ADAMTS9: variants seen among roughly 807,000 people sequenced by gnomAD.
ADAMTS9 encodes the protein A disintegrin and metalloproteinase with thrombospondin motifs 9.
In ADAMTS9, 107 loss-of-function variants were observed where a neutral mutation model predicts 257.1. That is an observed-to-expected ratio of 0.42 (90% CI 0.36 to 0.49). The LOEUF (loss-of-function observed/expected upper bound fraction) is 0.49, where lower values mean the gene tolerates loss of function less well. Among genes scored for constraint, ADAMTS9 ranks in the 20% least tolerant of loss-of-function variants. ADAMTS9 has a pLI of 0.03. For synonymous variants in ADAMTS9, 982 were observed against 880.9 expected (o/e 1.11, Z -2.03); for missense variants, 2,353 against 2,469.1 (o/e 0.95, Z 1.00).
At chr3:64,546,635 T>C (rs1007044772) in intron 32 of ADAMTS9, 123 bp downstream of exon 32, 22 of 1,036,760 alleles carry the variant, frequency 2.1e-5, no homozygotes, top group Non-Finnish European at 2.7e-5. Context: ...CCATTTCAAG[T>C]TGCTAACTCC....
chr3:64,535,142 C>T (rs1055656955), intron 37 of ADAMTS9, among the ~76,000 whole-genome samples: 38 of 152,242 alleles, frequency 2.5e-4, no homozygotes, highest in Non-Finnish European at 4.7e-4. Flanking sequence ...CTTTGGGAGG[C>T]TGAGGCAGGT....
chr3:64,539,630 C>T lies in ADAMTS9; in HGVS notation c.5522-336G>A, dbSNP rs145825100. Among the ~76,000 whole-genome samples the T allele has an allele frequency of 1.3e-4, 20 of 152,216 alleles. No homozygotes were observed. In the East Asian group the frequency reaches 1.5e-3, roughly 12 times the overall value. On this transcript the variant is annotated intron_variant, in intron 36 of 39. Transcript: ENST00000498707. The stretch of plus-strand genomic sequence containing the variant: ...TGTGAATCACCTCACTTAAATGTAG[C>T]GTAATTGGCTGGCTGAGAACCTCCT...
intron 3 of ADAMTS9, among the ~76,000 whole-genome samples, chr3:64,659,580 G>A (rs1009112708): frequency 6.6e-6 from 1 of 151,888 alleles, no homozygotes; most frequent in Non-Finnish European, 1.5e-5. Flanking sequence ...AGACGATACA[G>A]AGGAACTGTA....
chr3:64,621,251 A>G lies in ADAMTS9; in HGVS notation c.2687-11T>C. 1 of 1,606,100 alleles carries G rather than the reference A, an allele frequency of 6.2e-7. No individual in the cohort carries two copies. Among genetic ancestry groups the G allele is most frequent in the Non-Finnish European group, 8.5e-7 (1 of 1,177,198 alleles). ...TTCGTTTCCGTTCCCCTAAGCAGAA[A>G]GGGAAAAAAAATTATTCAGGGAAAA... On this transcript the variant is annotated splice_polypyrimidine_tract_variant and intron_variant, in intron 18 of 39. Coordinates refer to ENST00000498707, the MANE Select transcript of ADAMTS9 (RefSeq NM_182920.2).
At chr3:64,580,109 T>C (rs761589601) in intron 28 of ADAMTS9, among the ~76,000 whole-genome samples, 5 of 151,490 alleles carry the variant, frequency 3.3e-5, no homozygotes, top group African/African-American at 7.3e-5. Flanking sequence ...GGTGCAAAAA[T>C]GTATGTGTGT....
intron 3 of ADAMTS9, among the ~76,000 whole-genome samples, chr3:64,675,938 T>A (rs1034588484): frequency 1.3e-5 from 2 of 152,212 alleles, no homozygotes; most frequent in African/African-American, 2.4e-5. Context: ...TATCATCTTA[T>A]GTTTTCCAGC....
At position 64,546,996 on chromosome 3, in the gene ADAMTS9, G is replaced by T. The variant is rs376269269; in HGVS notation, c.4870-44C>A. On this transcript the variant is annotated intron_variant, in intron 31 of 39. Transcript: ENST00000498707. ...AGAGGAGAGGTTCGAGCAGTTCCTG[G>T]GGGCAGCCCACAATAGGCCCCTGAC... 166 of 1,561,542 alleles carry T rather than the reference G, an allele frequency of 1.1e-4. No homozygotes were observed. The African/African-American group carries it at 2.1e-3, about 20-fold the overall frequency.
chr3:64,582,809 T>G (rs963237221), intron 28 of ADAMTS9: 1 of 152,212 alleles, frequency 6.6e-6, no homozygotes, highest in Non-Finnish European at 1.5e-5. Flanking sequence ...GAACACTTTA[T>G]GTACTGCTGT....
At position 64,594,119 on chromosome 3, in the gene ADAMTS9, G is replaced by A. The variant is rs532716481; in HGVS notation, c.4356+139C>T. ...AGTTAATTCTATTATGTGCCAATATGGAGAAAATAATAGACTATTTATAGC... is the reference window on the plus strand; with the variant it reads ...AGTTAATTCTATTATGTGCCAATATAGAGAAAATAATAGACTATTTATAGC... On this transcript the variant is annotated intron_variant, in intron 28 of 39. Coordinates refer to ENST00000498707, the MANE Select transcript of ADAMTS9 (RefSeq NM_182920.2). 5.6e-6 allele frequency: 5 copies of A among 900,598 alleles called. No homozygotes were observed. The South Asian group carries it at 8.2e-5, about 15-fold the overall frequency. The allele number at this position is 900,598 out of a possible 1,614,324, so 55.8% of individuals were successfully genotyped here.
chr3:64,618,261 AC>A (rs1700014113), intron 19 of ADAMTS9, among the ~76,000 whole-genome samples: 1 of 152,156 alleles, frequency 6.6e-6, no homozygotes, highest in African/African-American at 2.4e-5. Context: ...TAATCCCTTT[AC>A]CTTTTCTTTA....
intron 3 of ADAMTS9, among the ~76,000 whole-genome samples, chr3:64,665,854 C>T (rs533782413): frequency 1.1e-4 from 16 of 152,242 alleles, no homozygotes; most frequent in African/African-American, 3.6e-4. Flanking sequence ...TTTAAATGGG[C>T]ATATAAATAC....
intron 12 of ADAMTS9, among the ~76,000 whole-genome samples, chr3:64,639,326 A>T (rs1273162707): frequency 4.0e-5 from 6 of 148,632 alleles, no homozygotes; most frequent in African/African-American, 1.5e-4. Context: ...AAAAAAAAAA[A>T]AAAAACCTCC....
chr3:64,553,034 T>C (rs1403467691), intron 30 of ADAMTS9, among the ~76,000 whole-genome samples: 6 of 152,310 alleles, frequency 3.9e-5, no homozygotes, highest in Non-Finnish European at 5.9e-5. Context: ...CTATGTCTTT[T>C]TTTTTTTGGT....
rs965186464 is a variant in ADAMTS9 at position 64,681,371 on chromosome 3, T to G, written c.517-8A>C. ...AGACCGGAATGTGCCCAGCTGCAAA[T>G]GAAGAGAGATGGGAGGTTGATTTAA... On this transcript the variant is annotated splice_region_variant and splice_polypyrimidine_tract_variant and intron_variant, in intron 2 of 39. Transcript: ENST00000498707. 1.9e-6 allele frequency: 3 copies of G among 1,606,094 alleles called. No individual in the cohort carries two copies. In the African/African-American group the frequency reaches 4.0e-5, roughly 22 times the overall value.
At chr3:64,572,767 G>A (rs1388895589) in intron 28 of ADAMTS9, among the ~76,000 whole-genome samples, 2 of 152,156 alleles carry the variant, frequency 1.3e-5, no homozygotes, top group African/African-American at 4.8e-5. Flanking sequence ...GGTGGGGCTG[G>A]AAGATGCAGG....
chr3:64,639,872 G>T (rs1397554147), intron 12 of ADAMTS9, among the ~76,000 whole-genome samples: 1 of 152,030 alleles, frequency 6.6e-6, no homozygotes, highest in African/African-American at 2.4e-5. Context: ...ATATTATGTG[G>T]TACTTATTTC....
At chr3:64,565,669 C>A (rs2083526873) in intron 29 of ADAMTS9, 2 of 152,184 alleles carry the variant, frequency 1.3e-5, no homozygotes, top group Non-Finnish European at 2.9e-5. Flanking sequence ...CTGTGAAACG[C>A]TTTTTGTATC....
chr3:64,678,041 G>A (rs1480098290), intron 3 of ADAMTS9, among the ~76,000 whole-genome samples: 1 of 152,198 alleles, frequency 6.6e-6, no homozygotes, highest in Non-Finnish European at 1.5e-5. Context: ...CCATCTGCGT[G>A]TGAAAGTGTC....
intron 16 of ADAMTS9, among the ~76,000 whole-genome samples, chr3:64,626,797 A>T (rs1472561666): frequency 6.6e-6 from 1 of 152,194 alleles, no homozygotes; most frequent in East Asian, 1.9e-4. Flanking sequence ...GGAGTCTGAC[A>T]CTCATGACAA....
Sources: gnomAD v4.1 joint callset for allele counts (sites outside exome capture counted in the v4.1 genomes callset) on GRCh38, gnomAD v4.1.1 for gene constraint, MANE v1.5 for transcripts, NCBI Gene and HGNC (gene_info 2026-07-23, HGNC 2026-07-21) for gene names.